The following ASCC3 variants were observed in gnomAD, a reference collection of about 807,000 sequenced individuals.
ASCC3 encodes ASC-1 complex subunit P200.
A neutral mutation model predicts 256.3 loss-of-function variants in ASCC3; 158 were observed. The ratio of observed to expected loss-of-function variants is 0.62; its 90% CI spans 0.54 to 0.70. The LOEUF (loss-of-function observed/expected upper bound fraction) is 0.70. Ranked by LOEUF, ASCC3 falls within the 30% of genes least tolerant of loss-of-function variation. ASCC3 has a pLI of 0.00. For missense variants in ASCC3, 2,259 were observed against 2,626.0 expected, an observed-to-expected ratio of 0.86 and a Z score of 3.05; for synonymous variants, 948 against 883.4, an observed-to-expected ratio of 1.07 and a Z score of -1.30.
chr6:100,770,110 T>C (rs1341202577), intron 8 of ASCC3, among the ~76,000 whole-genome samples: 1 of 151,936 alleles, frequency 6.6e-6, no homozygotes, highest in Admixed American at 6.6e-5. Context: ...AAGCTAGCAC[T>C]GCCCCAATAT....
intron 30 of ASCC3, among the ~76,000 whole-genome samples, chr6:100,620,874 T>C (rs1322566794): frequency 1.3e-5 from 2 of 151,564 alleles, no homozygotes; most frequent in Non-Finnish European, 2.9e-5. Flanking sequence ...CTATTAATTA[T>C]TTAGGGCTAA....
chr6:100,694,541 T>C (rs1234415027), intron 13 of ASCC3, among the ~76,000 whole-genome samples: 1 of 152,104 alleles, frequency 6.6e-6, no homozygotes, highest in Non-Finnish European at 1.5e-5. Context: ...ATAAAACCAT[T>C]CCCTACTAAA....
intron 30 of ASCC3, among the ~76,000 whole-genome samples, chr6:100,611,186 C>T (rs971970169): frequency 2.6e-5 from 4 of 152,080 alleles, no homozygotes; most frequent in African/African-American, 7.2e-5. Context: ...GTAAAGAGAA[C>T]TGTTTGTTTA....
At chr6:100,621,226 G>A (rs1773935696) in intron 30 of ASCC3, among the ~76,000 whole-genome samples, 1 of 152,140 alleles carries the variant, frequency 6.6e-6, no homozygotes. Context: ...GCAAACTAAT[G>A]CAGGAACAGA....
At chr6:100,810,495 TA>T (rs1369336351) in intron 4 of ASCC3, among the ~76,000 whole-genome samples, 1 of 152,172 alleles carries the variant, frequency 6.6e-6, no homozygotes, top group Admixed American at 6.6e-5. Flanking sequence ...AGACATGTTG[TA>T]TTCGTAACAG....
intron 25 of ASCC3, among the ~76,000 whole-genome samples, chr6:100,635,221 TA>T (rs1774785683): frequency 6.6e-6 from 1 of 152,050 alleles, no homozygotes; most frequent in African/African-American, 2.4e-5. Flanking sequence ...ATGTGATATA[TA>T]TGTACACACA....
At chr6:100,823,339 A>C (rs745628699) in intron 4 of ASCC3, among the ~76,000 whole-genome samples, 1 of 152,172 alleles carries the variant, frequency 6.6e-6, no homozygotes, top group Non-Finnish European at 1.5e-5. Flanking sequence ...TTAAAAACAC[A>C]ACAACAACAA....
intron 1 of ASCC3, 100 bp from the exon 2 acceptor site, chr6:100,868,138 G>C: frequency 2.9e-6 from 2 of 681,208 alleles, no homozygotes; most frequent in Non-Finnish European, 5.1e-6. Flanking sequence ...GAAAAAATTG[G>C]TTAAAAAGCA....
rs1236252506 is a variant in ASCC3, at chr6:100,881,176, A to G, written c.-157T>C. The G allele has an allele frequency of 6.6e-6, 1 of 152,322 alleles. No individual in the cohort carries two copies. The highest frequency in any genetic ancestry group is 1.9e-4 in the East Asian group (1 of 5,194). The allele number at this position is 152,322 out of a possible 1,614,324, so 9.4% of individuals were successfully genotyped here. ...CGGGTGAGGAGCTGAGCGCAGGGCC[A>G]AAGATGCGAGCGGGCAGCTGTATCG... On this transcript the variant is annotated 5_prime_UTR_variant, in exon 1 of 42. Transcript: ENST00000369162.
At chr6:100,716,664 T>G (rs538145492) in intron 12 of ASCC3, among the ~76,000 whole-genome samples, 2 of 152,088 alleles carry the variant, frequency 1.3e-5, no homozygotes, top group African/African-American at 4.8e-5. Flanking sequence ...TTGGATTCAT[T>G]TCTGGCCAAA....
intron 10 of ASCC3, among the ~76,000 whole-genome samples, chr6:100,756,775 T>C (rs1408680854): frequency 6.6e-6 from 1 of 152,120 alleles, no homozygotes; most frequent in Non-Finnish European, 1.5e-5. Flanking sequence ...GTAAGAATAC[T>C]TAGCAGGGTT....
chr6:100,735,936 G>A (rs1780134624), intron 10 of ASCC3, among the ~76,000 whole-genome samples: 2 of 151,984 alleles, frequency 1.3e-5, no homozygotes, highest in Non-Finnish European at 2.9e-5. Context: ...TGCTTCTGTG[G>A]CATCTCCATA....
chr6:100,798,789 T>G lies in ASCC3; in HGVS notation c.1319A>C (p.Glu440Ala), dbSNP rs1769760430. Residue 440 changes from glutamate to alanine, a missense_variant, in exon 8 of 42, where the codon GAA becomes GCA. Glu to Ala is a moderately radical substitution (Grantham distance 107, BLOSUM62 -1). Transcript: ENST00000369162. Reference protein sequence around the residue: ...IQRENNKLYEEVRIPYSEPMP... With the variant: ...IQRENNKLYEAVRIPYSEPMP... ...TGGTTCGCTGTAGGGAATCCTTACTTCTTCATAAAGCTTGTTATTCTCTCT... is the reference window on the plus strand; with the variant it reads ...TGGTTCGCTGTAGGGAATCCTTACTGCTTCATAAAGCTTGTTATTCTCTCT... The G allele has an allele frequency of 6.2e-7, 1 of 1,612,876 alleles. No homozygotes were observed. Among genetic ancestry groups the G allele is most frequent in the African/African-American group, 1.3e-5 (1 of 74,868 alleles).
intron 1 of ASCC3, among the ~76,000 whole-genome samples, chr6:100,876,003 ATT>A (rs1773986528): frequency 6.6e-6 from 1 of 152,170 alleles, no homozygotes; most frequent in South Asian, 2.1e-4. Flanking sequence ...GTTGATCATG[ATT>A]TTATCATAAT....
At chr6:100,766,099 T>C (rs1463199372) in intron 10 of ASCC3, among the ~76,000 whole-genome samples, 1 of 152,186 alleles carries the variant, frequency 6.6e-6, no homozygotes, top group Non-Finnish European at 1.5e-5. Context: ...TCGTCTAATA[T>C]AGTGCTATAT....
chr6:100,828,676 T>C (rs1771456175), intron 4 of ASCC3, among the ~76,000 whole-genome samples: 1 of 152,100 alleles, frequency 6.6e-6, no homozygotes, highest in Non-Finnish European at 1.5e-5. Context: ...TCTGGAGTTG[T>C]TCGTTCCTCC....
At chr6:100,685,592 A>T (rs1490541507) in intron 13 of ASCC3, among the ~76,000 whole-genome samples, 1 of 152,172 alleles carries the variant, frequency 6.6e-6, no homozygotes. Flanking sequence ...TCATAAGTTA[A>T]AAAAATTATT....
intron 11 of ASCC3, among the ~76,000 whole-genome samples, chr6:100,722,990 T>C (rs1779418771): frequency 6.6e-6 from 1 of 151,818 alleles, no homozygotes; most frequent in Non-Finnish European, 1.5e-5. Context: ...CTGGTATTAC[T>C]AGATCTTTAT....
chr6:100,649,600 A>G (rs1319967810), intron 20 of ASCC3, among the ~76,000 whole-genome samples: 1 of 151,646 alleles, frequency 6.6e-6, no homozygotes, highest in African/African-American at 2.4e-5. Context: ...TAAATATTCC[A>G]TGTTTAAAGG....
Sources: gnomAD v4.1 joint callset for allele counts (sites outside exome capture counted in the v4.1 genomes callset) on GRCh38, gnomAD v4.1.1 for gene constraint, MANE v1.5 for transcripts, NCBI Gene and HGNC (gene_info 2026-07-23, HGNC 2026-07-21) for gene names.